KIF6: variants seen among roughly 807,000 people sequenced by gnomAD.
KIF6 encodes kinesin family member 6.
KIF6 carries 106 observed loss-of-function variants against 112.7 expected under a neutral mutation model. That is an observed-to-expected ratio of 0.94 (90% CI 0.80 to 1.11). The LOEUF (loss-of-function observed/expected upper bound fraction) is 1.11. Among genes scored for constraint, KIF6 ranks in the 50% least tolerant of loss-of-function variants. The probability of loss-of-function intolerance (pLI) is 0.00; values close to 1 mark genes in which losing one functional copy is unlikely to be tolerated. For missense variants in KIF6, 929 were observed against 964.0 expected (o/e 0.96, Z 0.48); for synonymous variants, 339 against 339.9 (o/e 1.00, Z 0.03).
At chr6:39,648,220 GGGC>G (rs1474594860) in intron 3 of KIF6, among the ~76,000 whole-genome samples, 5 of 69,184 alleles carry the variant, frequency 7.2e-5, no homozygotes, top group African/African-American at 3.1e-4. Flanking sequence ...GACGGGGGGC[GGGC>G]GGGGGGGGGT....
At position 39,539,994 on chromosome 6, in the gene KIF6, T is replaced by C; in HGVS notation, c.1645+9A>G. 6.3e-7 allele frequency: 1 copy of C among 1,579,402 alleles called. No homozygotes were observed. Among genetic ancestry groups the C allele is most frequent in the Non-Finnish European group, 8.6e-7 (1 of 1,164,072 alleles). On this transcript the variant is annotated intron_variant, in intron 13 of 22. Coordinates refer to ENST00000287152, the MANE Select transcript of KIF6 (RefSeq NM_145027.6). The stretch of plus-strand genomic sequence containing the variant: ...ACAATGAGAAATACTGGAAATTTAG[T>C]CAACTGACCTATTTTCTTGTGGAGC...
chr6:39,634,995 T>A, intron 4 of KIF6, 37 bp from the exon 5 acceptor site: 1 of 1,119,458 alleles, frequency 8.9e-7, no homozygotes, highest in Non-Finnish European at 1.4e-6. Context: ...TTATCGGTTA[T>A]AACAATGATT....
At chr6:39,567,413 T>G (rs1256912609) in intron 10 of KIF6, among the ~76,000 whole-genome samples, 1 of 152,192 alleles carries the variant, frequency 6.6e-6, no homozygotes, top group East Asian at 1.9e-4. Flanking sequence ...AGAGTCAAGA[T>G]GAGAATTCAA....
intron 19 of KIF6, among the ~76,000 whole-genome samples, chr6:39,355,969 G>A (rs1170621555): frequency 6.6e-6 from 1 of 151,314 alleles, no homozygotes; most frequent in Non-Finnish European, 1.5e-5. Context: ...TACTTTACTG[G>A]ACTTTTCTTA....
intron 13 of KIF6, among the ~76,000 whole-genome samples, chr6:39,473,110 T>C (rs2150443230): frequency 6.6e-6 from 1 of 152,080 alleles, no homozygotes; most frequent in East Asian, 1.9e-4. Context: ...GGCCTTGAAC[T>C]CCTGACCTCA....
intron 3 of KIF6, among the ~76,000 whole-genome samples, chr6:39,705,883 G>A (rs948682060): frequency 6.6e-6 from 1 of 152,026 alleles, no homozygotes; most frequent in Non-Finnish European, 1.5e-5. Flanking sequence ...TGCACTCCTG[G>A]TGCTTCCTGA....
At chr6:39,625,969 G>T (rs969186161) in intron 5 of KIF6, among the ~76,000 whole-genome samples, 1 of 152,092 alleles carries the variant, frequency 6.6e-6, no homozygotes, top group Non-Finnish European at 1.5e-5. Context: ...AGAGATTTAG[G>T]GCAGGGAGTA....
chr6:39,548,550 A>G (rs1779188720), intron 10 of KIF6, among the ~76,000 whole-genome samples: 1 of 152,228 alleles, frequency 6.6e-6, no homozygotes, highest in Non-Finnish European at 1.5e-5. Flanking sequence ...TCCTTCATAC[A>G]TTTGATTTAC....
intron 16 of KIF6, among the ~76,000 whole-genome samples, chr6:39,363,021 C>T (rs920991862): frequency 3.9e-5 from 6 of 151,912 alleles, no homozygotes; most frequent in African/African-American, 9.7e-5. Flanking sequence ...TGGTGGCGGG[C>T]GCCTATAATC....
At chr6:39,570,375 C>T (rs948696384) in intron 10 of KIF6, among the ~76,000 whole-genome samples, 1 of 152,114 alleles carries the variant, frequency 6.6e-6, no homozygotes, top group Admixed American at 6.6e-5. Flanking sequence ...TAGGTAGGAG[C>T]TCCTTTTCTC....
At chr6:39,689,543 C>G (rs931950860) in intron 3 of KIF6, among the ~76,000 whole-genome samples, 1 of 152,008 alleles carries the variant, frequency 6.6e-6, no homozygotes, top group African/African-American at 2.4e-5. Flanking sequence ...ATGCAAAATG[C>G]AAGCATTAAA....
chr6:39,532,500 G>A (rs1204406034), intron 13 of KIF6, among the ~76,000 whole-genome samples: 1 of 152,182 alleles, frequency 6.6e-6, no homozygotes, highest in African/African-American at 2.4e-5. Context: ...CTATCACAGG[G>A]AGGAATTATT....
At chr6:39,603,704 A>T (rs1027349151) in intron 6 of KIF6, among the ~76,000 whole-genome samples, 10 of 151,918 alleles carry the variant, frequency 6.6e-5, no homozygotes, top group African/African-American at 2.4e-4. Flanking sequence ...TGTAAAATTA[A>T]TTTTTTTCTG....
At chr6:39,430,178 C>T (rs545449831) in intron 14 of KIF6, among the ~76,000 whole-genome samples, 30 of 152,210 alleles carry the variant, frequency 2.0e-4, no homozygotes, top group African/African-American at 6.5e-4. Flanking sequence ...TTCTCAGTCT[C>T]CATTATGGCC....
In KIF6 at chr6:39,681,011, A is replaced by G. The variant is rs114309142; in HGVS notation, c.251+33681T>C. Among the ~76,000 whole-genome samples, 1,318 of 152,310 alleles carry G rather than the reference A, an allele frequency of 8.7e-3. 19 individuals carry two copies. The highest frequency in any genetic ancestry group is 0.03 in the African/African-American group (1,255 of 41,542). On this transcript the variant is annotated intron_variant, in intron 3 of 22. Coordinates refer to ENST00000287152, the MANE Select transcript of KIF6 (RefSeq NM_145027.6). ...TTTGGGTACAAGGAAGAGGGAATAAATGTGTCTGTCTGAGAAAGCCAATAA... is the reference window on the plus strand; with the variant it reads ...TTTGGGTACAAGGAAGAGGGAATAAGTGTGTCTGTCTGAGAAAGCCAATAA...
intron 13 of KIF6, among the ~76,000 whole-genome samples, chr6:39,533,164 A>T (rs1346639173): frequency 6.6e-6 from 1 of 152,232 alleles, no homozygotes; most frequent in Non-Finnish European, 1.5e-5. Context: ...TGGGTGCAAG[A>T]CAGTGGGTGT....
chr6:39,504,182 G>T (rs1487046996), intron 13 of KIF6, among the ~76,000 whole-genome samples: 2 of 152,130 alleles, frequency 1.3e-5, no homozygotes, highest in African/African-American at 4.8e-5. Flanking sequence ...TTCATCCCCA[G>T]GATGCAAGGC....
At chr6:39,521,332 T>C (rs548841871) in intron 13 of KIF6, among the ~76,000 whole-genome samples, 38 of 152,354 alleles carry the variant, frequency 2.5e-4, no homozygotes, top group South Asian at 1.0e-3. Context: ...ATGTTACCTC[T>C]AGAGTGGGCT....
At chr6:39,369,925 G>T (rs915940473) in intron 16 of KIF6, among the ~76,000 whole-genome samples, 1 of 152,192 alleles carries the variant, frequency 6.6e-6, no homozygotes, top group African/African-American at 2.4e-5. Context: ...ACCACTAAGA[G>T]CCTGGCTCGG....
Sources: gnomAD v4.1 joint callset for allele counts (sites outside exome capture counted in the v4.1 genomes callset) on GRCh38, gnomAD v4.1.1 for gene constraint, MANE v1.5 for transcripts, NCBI Gene and HGNC (gene_info 2026-07-23, HGNC 2026-07-21) for gene names.